NUDCD1: variants seen among roughly 807,000 people sequenced by gnomAD.
NUDCD1 encodes the protein nudC domain-containing protein 1.
Under a neutral mutation model 67.8 loss-of-function variants are expected in NUDCD1, and 60 were observed. The observed-to-expected ratio is 0.88, with a 90% confidence interval of 0.72 to 1.10. NUDCD1 has a LOEUF of 1.10. NUDCD1 is among the 50% of genes least tolerant of loss of function. The probability of loss-of-function intolerance (pLI) is 0.00; values close to 1 mark genes in which losing one functional copy is unlikely to be tolerated. For missense variants in NUDCD1, 643 were observed against 695.0 expected (o/e 0.93, Z 0.84); for synonymous variants, 244 against 230.8 (o/e 1.06, Z -0.52).
intron 2 of NUDCD1, among the ~76,000 whole-genome samples, chr8:109,311,555 TGG>T: frequency 1.8e-5 from 1 of 56,482 alleles, no homozygotes; most frequent in African/African-American, 1.4e-4. Flanking sequence ...AAAGAAACTG[TGG>T]TGTATATATA....
At chr8:109,306,199 G>C (rs1006828582) in intron 2 of NUDCD1, among the ~76,000 whole-genome samples, 1 of 152,108 alleles carries the variant, frequency 6.6e-6, no homozygotes, top group Non-Finnish European at 1.5e-5. Context: ...TCTGGTACTA[G>C]CCCCAATCCA....
chr8:109,280,948 G>GTAAAATTAAAA lies in NUDCD1; in HGVS notation c.1028+9_1028+19dup. 1 of 1,181,946 alleles carries GTAAAATTAAAA rather than the reference G, an allele frequency of 8.5e-7. No homozygotes were observed. The highest frequency in any genetic ancestry group is 1.1e-6 in the Non-Finnish European group (1 of 877,054). The allele number at this position is 1,181,946 out of a possible 1,614,324, so 73.2% of individuals were successfully genotyped here. ...GAAAAAAAGATAATAGAATATTAAAGTAAAATTAAAAAAAAATACCTATTA... is the reference window on the plus strand; with the variant it reads ...GAAAAAAAGATAATAGAATATTAAAGTAAAATTAAAATAAAATTAAAAAAAAATACCTATTA... On this transcript the variant is annotated intron_variant, in intron 6 of 9. Transcript: ENST00000239690.
intron 8 of NUDCD1, among the ~76,000 whole-genome samples, chr8:109,261,689 T>C (rs1029790576): frequency 3.3e-5 from 5 of 152,110 alleles, no homozygotes; most frequent in Admixed American, 2.6e-4. Flanking sequence ...ACAAAAACAT[T>C]GATTCATTGT....
At position 109,275,487 on chromosome 8, in the gene NUDCD1, A is replaced by G; in HGVS notation, c.1038T>C (p.Ile346=). 1.9e-6 allele frequency: 3 copies of G among 1,610,436 alleles called. No individual in the cohort carries two copies. The highest frequency in any genetic ancestry group is 2.5e-6 in the Non-Finnish European group (3 of 1,178,378). ...GTCCTTCATTCTTCTTAATCAAGGA[A>G]ATCTCCAAGCTAGAAGTTTAAATGG... ...WIIKESNSLE[I]SLIKKNEGLT... Residue 346 remains isoleucine (I), a synonymous_variant, in exon 7 of 10, where the codon ATT becomes ATC. Coordinates refer to ENST00000239690, the MANE Select transcript of NUDCD1 (RefSeq NM_032869.4).
chr8:109,292,547 AATG>A (rs1426316979), intron 4 of NUDCD1, among the ~76,000 whole-genome samples: 1 of 152,142 alleles, frequency 6.6e-6, no homozygotes, highest in Admixed American at 6.6e-5. Context: ...TACAGAGATG[AATG>A]ATAATTTAAT....
intron 1 of NUDCD1, chr8:109,329,799 A>G: frequency 6.5e-7 from 1 of 1,549,978 alleles, no homozygotes; most frequent in Non-Finnish European, 8.7e-7. Context: ...TTTATGTCCT[A>G]CTTACCAGGC....
chr8:109,309,346 T>C (rs188098791), intron 2 of NUDCD1, among the ~76,000 whole-genome samples: 34 of 152,078 alleles, frequency 2.2e-4, no homozygotes, highest in African/African-American at 7.5e-4. Context: ...ATAAACAGAA[T>C]TAAAAACAAA....
In NUDCD1 at chr8:109,271,268, C is replaced by T; in HGVS notation, c.1174-138G>A. On this transcript the variant is annotated intron_variant, in intron 7 of 9. Coordinates refer to ENST00000239690, the MANE Select transcript of NUDCD1 (RefSeq NM_032869.4). ...CCTATGACCAATAAAATCATAATCA[C>T]AAAAACAGAAATAACAGAATGATGA... 5.6e-6 allele frequency: 3 copies of T among 540,334 alleles called. 1 individual carries two copies. Among genetic ancestry groups the T allele is most frequent in the South Asian group, 2.9e-5 (1 of 33,954 alleles). 33.5% of individuals were successfully genotyped at this position (540,334 alleles called of 1,614,324 possible).
intron 7 of NUDCD1, among the ~76,000 whole-genome samples, chr8:109,271,542 A>C (rs73700849): frequency 0.011 from 1,683 of 152,290 alleles, 28 homozygotes; most frequent in African/African-American, 0.038. Flanking sequence ...CACAAAGACA[A>C]AACATAAAAG....
At chr8:109,270,071 G>GGC (rs1563665885) in intron 8 of NUDCD1, among the ~76,000 whole-genome samples, 1 of 69,040 alleles carries the variant, frequency 1.4e-5, no homozygotes, top group Non-Finnish European at 2.8e-5. Context: ...CGGGGGCGGG[G>GGC]GGGGGGGGGG....
rs1225707932 is a variant in NUDCD1 at position 109,334,060 on chromosome 8, T to C, written c.-50A>G. 1 of 1,611,196 alleles carries C rather than the reference T, an allele frequency of 6.2e-7. No individual in the cohort carries two copies. Among genetic ancestry groups the C allele is most frequent in the Admixed American group, 1.7e-5 (1 of 59,664 alleles). On this transcript the variant is annotated 5_prime_UTR_variant, in exon 1 of 10. Transcript: ENST00000239690. ...AATTAATAAAGCCCTTGTTGAAAGG[T>C]CCGCGCTTCACGCCTCGCACAGAGA...
intron 2 of NUDCD1, among the ~76,000 whole-genome samples, chr8:109,300,266 T>G (rs989014034): frequency 6.6e-6 from 1 of 151,852 alleles, no homozygotes; most frequent in Non-Finnish European, 1.5e-5. Context: ...CTGATTTACC[T>G]GAAAAAGAAT....
intron 4 of NUDCD1, 65 bp from the exon 5 acceptor site, chr8:109,289,998 T>C: frequency 1.4e-6 from 1 of 716,398 alleles, no homozygotes; most frequent in Non-Finnish European, 2.2e-6. Flanking sequence ...TATTCTGATA[T>C]TTAAAAATTG....
Position 109,298,626 on chromosome 8 carries a change from G to A in NUDCD1, c.274-2057C>T, listed in dbSNP as rs576574513. 1.1e-4 allele frequency: 17 copies of A among 152,236 alleles called. No individual in the cohort carries two copies. The South Asian group carries it at 2.7e-3, about 24-fold the overall frequency. 9.4% of individuals were successfully genotyped at this position (152,236 alleles called of 1,614,324 possible). A position where few individuals can be genotyped will look rare whatever the true frequency, so the allele number is the denominator to read the frequency against. On this transcript the variant is annotated intron_variant, in intron 2 of 9. Coordinates refer to ENST00000239690, the MANE Select transcript of NUDCD1 (RefSeq NM_032869.4). ...TAAATAAAAGGCATGTAAGAGAAAG[G>A]GAGACAAGTATTTGTCATAAATATA...
chr8:109,312,267 C>T (rs568615466), intron 2 of NUDCD1, among the ~76,000 whole-genome samples: 61 of 144,884 alleles, frequency 4.2e-4, no homozygotes, highest in Non-Finnish European at 7.8e-4. Context: ...CACCACTGCA[C>T]TCCAGCCCGG....
intron 1 of NUDCD1, among the ~76,000 whole-genome samples, chr8:109,325,136 C>T (rs756791062): frequency 6.6e-5 from 10 of 151,512 alleles, no homozygotes; most frequent in Non-Finnish European, 1.2e-4. Flanking sequence ...ATCATACACG[C>T]AGCTAAAAAA....
intron 7 of NUDCD1, among the ~76,000 whole-genome samples, chr8:109,273,694 G>C (rs1814212514): frequency 6.6e-6 from 1 of 151,906 alleles, no homozygotes; most frequent in Non-Finnish European, 1.5e-5. Flanking sequence ...TTCCAAAAAA[G>C]CAAACTCAAG....
At chr8:109,332,921 C>G (rs1815844193) in intron 1 of NUDCD1, among the ~76,000 whole-genome samples, 1 of 152,216 alleles carries the variant, frequency 6.6e-6, no homozygotes, top group Non-Finnish European at 1.5e-5. Context: ...GAAAGATATT[C>G]AAGTACTACC....
Position 109,243,314 on chromosome 8 carries a change from T to C in NUDCD1, c.1460-13A>G. ...GCTTGGACATAGCCTGCCAAGAATA[T>C]GAGACAAACAAAAGAAAAACTATAT... is the stretch of plus-strand genomic sequence containing the variant. On this transcript the variant is annotated splice_polypyrimidine_tract_variant and intron_variant, in intron 9 of 9. Transcript: ENST00000239690. 6.5e-7 allele frequency: 1 copy of C among 1,543,040 alleles called. No individual in the cohort carries two copies. The highest frequency in any genetic ancestry group is 8.8e-7 in the Non-Finnish European group (1 of 1,142,134).
Sources: gnomAD v4.1 joint callset for allele counts (sites outside exome capture counted in the v4.1 genomes callset) on GRCh38, gnomAD v4.1.1 for gene constraint, MANE v1.5 for transcripts, NCBI Gene and HGNC (gene_info 2026-07-23, HGNC 2026-07-21) for gene names.